The following SLC22A2 variants were observed in gnomAD, a reference collection of about 807,000 sequenced individuals.
SLC22A2 encodes the protein solute carrier family 22 member 2.
Under a neutral mutation model 60.5 loss-of-function variants are expected in SLC22A2, and 46 were observed. That is an observed-to-expected ratio of 0.76 (90% CI 0.60 to 0.97). The LOEUF is 0.97. Among genes scored for constraint, SLC22A2 ranks in the 50% least tolerant of loss-of-function variants. SLC22A2 has a pLI of 0.00. For synonymous variants in SLC22A2, 303 were observed against 267.0 expected (o/e 1.13, Z -1.31); for missense variants, 701 against 706.6 (o/e 0.99, Z 0.09).
intron 6 of SLC22A2, chr6:160,244,089 T>A: frequency 7.5e-6 from 2 of 268,130 alleles, no homozygotes; most frequent in South Asian, 1.4e-4. Flanking sequence ...TGATTTATTT[T>A]ATTTATTTAT....
At chr6:160,242,238 C>T (rs973646566) in intron 8 of SLC22A2, 56 bp downstream of exon 8, 10 of 943,110 alleles carry the variant, frequency 1.1e-5, no homozygotes, top group Non-Finnish European at 1.6e-5. Flanking sequence ...GTGGTGGTTC[C>T]AGCCAATGAA....
chr6:160,239,481 C>A (rs545593897), intron 9 of SLC22A2, among the ~76,000 whole-genome samples: 1 of 152,280 alleles, frequency 6.6e-6, no homozygotes, highest in South Asian at 2.1e-4. Context: ...ATCCAAGAAC[C>A]CCCTCTTGGG....
chr6:160,257,725 A>C (rs1308948248), intron 1 of SLC22A2: 1 of 152,174 alleles, frequency 6.6e-6, no homozygotes, highest in Non-Finnish European at 1.5e-5. Context: ...TTTGCTTTCA[A>C]TAAAAGCAAG....
At chr6:160,248,705 T>C (rs1783135793) in intron 4 of SLC22A2, among the ~76,000 whole-genome samples, 1 of 152,214 alleles carries the variant, frequency 6.6e-6, no homozygotes. Flanking sequence ...CTTGCCTTGG[T>C]AACTCTGATT....
chr6:160,250,105 A>G (rs1266574894), intron 3 of SLC22A2, among the ~76,000 whole-genome samples: 2 of 152,220 alleles, frequency 1.3e-5, no homozygotes, highest in Non-Finnish European at 1.5e-5. Flanking sequence ...TAGGTTGACT[A>G]CAGTACTTGT....
Position 160,250,580 on chromosome 6 carries a change from C to G in SLC22A2, c.641G>C (p.Ser214Thr), listed in dbSNP as rs1783166874. ...GTAGCCTATTAACCAGCCTGCTTTG[C>G]TGACCAGTCCTTGGATTAAGCGAAA... The part of the protein sequence containing the change: ...LIFRLIQGLV[S>T]KAGWLIGYIL... Residue 214 changes from serine (S) to threonine (T), a missense_variant, in exon 3 of 11, where the codon AGC becomes ACC. By Grantham distance (58) the Ser-to-Thr change is moderately conservative. Transcript: ENST00000366953. 6.2e-7 allele frequency: 1 copy of G among 1,613,976 alleles called. No homozygotes were observed. The highest frequency in any genetic ancestry group is 8.5e-7 in the Non-Finnish European group (1 of 1,179,994).
At position 160,241,406 on chromosome 6, in the gene SLC22A2, G is replaced by A. The variant is rs1175333186; in HGVS notation, c.1501+68C>T. Reference sequence around the variant, plus strand: ...AGGCATGACACCTGTTTTGAATGAAGTAGAAGAGAAGTGAAGGTCTCTAGA... The same window carrying A: ...AGGCATGACACCTGTTTTGAATGAAATAGAAGAGAAGTGAAGGTCTCTAGA... On this transcript the variant is annotated intron_variant, in intron 9 of 10. Coordinates refer to ENST00000366953, the MANE Select transcript of SLC22A2 (RefSeq NM_003058.4). 8.3e-6 allele frequency: 8 copies of A among 958,964 alleles called. No homozygotes were observed. The East Asian group carries it at 1.9e-4, about 23-fold the overall frequency. 59.4% of individuals were successfully genotyped at this position (958,964 alleles called of 1,614,324 possible). A position where few individuals can be genotyped will look rare whatever the true frequency, so the allele number is the denominator to read the frequency against.
rs547729499 is a variant in SLC22A2 at position 160,233,169 on chromosome 6, C to T, written c.1501+8305G>A. Among the ~76,000 whole-genome samples, 200 of 152,074 alleles carry T rather than the reference C, an allele frequency of 1.3e-3. 2 individuals carry two copies. The highest frequency in any genetic ancestry group is 4.3e-3 in the African/African-American group (178 of 41,354). ...GCAAATTGACTTTACTCACATGCCC[C>T]GAGTCAGGAAACTAAAATACCTCTT... On this transcript the variant is annotated intron_variant, in intron 9 of 10. Coordinates refer to ENST00000366953, the MANE Select transcript of SLC22A2 (RefSeq NM_003058.4).
rs902323857 is a variant in SLC22A2 at position 160,217,100 on chromosome 6, A to G, written c.*332T>C. 6 of 203,314 alleles carry G rather than the reference A, an allele frequency of 3.0e-5. No individual in the cohort carries two copies. Among genetic ancestry groups the G allele is most frequent in the African/African-American group, 1.1e-4 (5 of 43,486 alleles). 12.6% of individuals were successfully genotyped at this position (203,314 alleles called of 1,614,324 possible). A position where few individuals can be genotyped will look rare whatever the true frequency, so the allele number is the denominator to read the frequency against. On this transcript the variant is annotated 3_prime_UTR_variant, in exon 11 of 11. Transcript: ENST00000366953. ...TTTCTATTTTGTTTGCCTAGCCCAC[A>G]GTTCCCCTATGTATTCTGGTTAGAT...
chr6:160,251,182 C>G (rs1198310605), intron 2 of SLC22A2, among the ~76,000 whole-genome samples: 1 of 152,126 alleles, frequency 6.6e-6, no homozygotes, highest in Admixed American at 6.5e-5. Context: ...TGCTTTTAGG[C>G]TTTGTGAAAA....
chr6:160,239,766 A>G (rs1270958623), intron 9 of SLC22A2, among the ~76,000 whole-genome samples: 1 of 152,218 alleles, frequency 6.6e-6, no homozygotes, highest in African/African-American at 2.4e-5. Context: ...TCTGTGGCCA[A>G]GTTATCTCAG....
At chr6:160,234,674 G>T (rs1458640109) in intron 9 of SLC22A2, among the ~76,000 whole-genome samples, 1 of 152,216 alleles carries the variant, frequency 6.6e-6, no homozygotes, top group Admixed American at 6.5e-5. Flanking sequence ...CCATCCAACA[G>T]ATAGGAATTT....
At chr6:160,238,511 T>A (rs1006148789) in intron 9 of SLC22A2, among the ~76,000 whole-genome samples, 2 of 152,242 alleles carry the variant, frequency 1.3e-5, no homozygotes, top group Non-Finnish European at 2.9e-5. Context: ...TTAACCAGAA[T>A]AATCCTTGTT....
chr6:160,258,355 T>G lies in SLC22A2; in HGVS notation c.403A>C (p.Ile135Leu), dbSNP rs748283994. 1 of 1,609,280 alleles carries G rather than the reference T, an allele frequency of 6.2e-7. No individual in the cohort carries two copies. The highest frequency in any genetic ancestry group is 8.5e-7 in the Non-Finnish European group (1 of 1,177,710). ...GWVYETPGSSIVTEFNLVCAN... is the reference protein window; with the variant it reads ...GWVYETPGSSLVTEFNLVCAN... Reference sequence around the variant, plus strand: ...GCTCACTCTCTTACCTCGGTGACGATGGACGAGCCAGGCGTCTCGTACACC... The same window carrying G: ...GCTCACTCTCTTACCTCGGTGACGAGGGACGAGCCAGGCGTCTCGTACACC... Residue 135 changes from isoleucine to leucine, a missense_variant, in exon 1 of 11, where the codon ATC becomes CTC. Transcript: ENST00000366953.
intron 2 of SLC22A2, among the ~76,000 whole-genome samples, chr6:160,251,473 T>C (rs1361594979): frequency 6.6e-6 from 1 of 152,122 alleles, no homozygotes; most frequent in African/African-American, 2.4e-5. Context: ...TTAAGTGAGA[T>C]ATTAGAGGTA....
At chr6:160,256,987 A>G (rs544498889) in intron 1 of SLC22A2, among the ~76,000 whole-genome samples, 26 of 147,778 alleles carry the variant, frequency 1.8e-4, no homozygotes, top group African/African-American at 4.8e-4. Context: ...TGCAGCCTCG[A>G]CCTCCTGGGC....
In SLC22A2 at chr6:160,247,164, T is replaced by C. The variant is rs1294834184; in HGVS notation, c.957+20A>G. ...CCCTTTTCTCCATCCCCTGATTTGA[T>C]ACTTAAGGCCCTGGCTCACCTGAAG... is the stretch of plus-strand genomic sequence containing the variant. On this transcript the variant is annotated intron_variant, in intron 5 of 10. Coordinates refer to ENST00000366953, the MANE Select transcript of SLC22A2 (RefSeq NM_003058.4). 13 of 1,344,496 alleles carry C rather than the reference T, an allele frequency of 9.7e-6. No individual in the cohort carries two copies. The East Asian group carries it at 3.0e-4, about 31-fold the overall frequency. 83.3% of individuals were successfully genotyped at this position (1,344,496 alleles called of 1,614,324 possible).
At chr6:160,245,375 C>A in intron 6 of SLC22A2, 64 bp downstream of exon 6, 2 of 918,842 alleles carry the variant, frequency 2.2e-6, no homozygotes, top group Non-Finnish European at 3.4e-6. Flanking sequence ...TCTTCCCTTC[C>A]TTACTATGGA....
Position 160,243,642 on chromosome 6 carries a change from G to T in SLC22A2, c.1209C>A (p.Arg403=). 6.2e-7 allele frequency: 1 copy of T among 1,614,078 alleles called. No individual in the cohort carries two copies. The highest frequency in any genetic ancestry group is 1.3e-5 in the African/African-American group (1 of 75,028). ...MIILTIDRIG[R]RYPWAASNMV... ...TATTTGATGCAGCCCAAGGGTAACG[G>T]CGTCCGATGCGGTCGATGGTGAGGA... Residue 403 remains arginine, a synonymous_variant, in exon 7 of 11, where the codon CGC becomes CGA. Coordinates refer to ENST00000366953, the MANE Select transcript of SLC22A2 (RefSeq NM_003058.4).
Sources: allele counts gnomAD v4.1 joint callset (sites outside exome capture counted in the v4.1 genomes callset), GRCh38; gene constraint gnomAD v4.1.1; transcripts MANE v1.5; gene names NCBI Gene and HGNC (gene_info 2026-07-23, HGNC 2026-07-21).